The following CREM variants were observed in gnomAD, a reference collection of about 807,000 sequenced individuals.
CREM encodes cAMP responsive element modulator, also known as cAMP-responsive element modulator.
In CREM, 13 loss-of-function variants were observed where a neutral mutation model predicts 37.3. The ratio of observed to expected loss-of-function variants is 0.35; its 90% CI spans 0.23 to 0.55. CREM has a LOEUF of 0.55. Ranked by LOEUF, CREM falls within the 20% of genes least tolerant of loss-of-function variation. The probability of loss-of-function intolerance (pLI) is 0.88; values close to 1 mark genes in which losing one functional copy is unlikely to be tolerated. For synonymous variants in CREM, 124 were observed against 120.2 expected (o/e 1.03, Z -0.21); for missense variants, 296 against 362.3 (o/e 0.82, Z 1.49).
intron 6 of CREM, among the ~76,000 whole-genome samples, chr10:35,194,871 C>T (rs1171605169): frequency 1.3e-5 from 2 of 151,040 alleles, no homozygotes; most frequent in African/African-American, 4.9e-5. Flanking sequence ...CTGTAAGATA[C>T]AATCATGTAA....
At chr10:35,149,142 T>C (rs1473146228) in intron 3 of CREM, among the ~76,000 whole-genome samples, 1 of 152,196 alleles carries the variant, frequency 6.6e-6, no homozygotes, top group Non-Finnish European at 1.5e-5. Context: ...TAAGAAGTGC[T>C]GTAAGATACT....
chr10:35,190,836 G>A (rs2094881184), intron 6 of CREM, among the ~76,000 whole-genome samples: 1 of 151,820 alleles, frequency 6.6e-6, no homozygotes, highest in African/African-American at 2.4e-5. Context: ...TAATTTTTTT[G>A]TATTTTTAGT....
intron 6 of CREM, among the ~76,000 whole-genome samples, chr10:35,191,196 G>T (rs1228490132): frequency 6.6e-6 from 1 of 151,592 alleles, no homozygotes; most frequent in Non-Finnish European, 1.5e-5. Flanking sequence ...AGTACTTTAT[G>T]GGTTTTGTTG....
intron 6 of CREM, among the ~76,000 whole-genome samples, chr10:35,190,414 G>A (rs1047614263): frequency 2.0e-5 from 3 of 152,174 alleles, no homozygotes; most frequent in African/African-American, 7.2e-5. Flanking sequence ...GTATGGGGCA[G>A]CCTTAATTAG....
At chr10:35,195,143 G>A (rs2095097439) in intron 6 of CREM, 4 of 1,608,082 alleles carry the variant, frequency 2.5e-6, no homozygotes, top group African/African-American at 2.7e-5. Flanking sequence ...ACTTTATGTT[G>A]AACTGTGGTA....
intron 1 of CREM, among the ~76,000 whole-genome samples, chr10:35,130,219 A>T (rs917654494): frequency 2.0e-4 from 29 of 141,660 alleles, no homozygotes; most frequent in East Asian, 1.3e-3. Flanking sequence ...AAAAAAAAAA[A>T]TTTTTTTTGG....
Position 35,212,796 on chromosome 10 carries a change from A to AT in CREM, c.*1404dup, listed in dbSNP as rs2095680722. 6.6e-6 allele frequency: 1 copy of AT among 152,544 alleles called. No individual in the cohort carries two copies. Among genetic ancestry groups the AT allele is most frequent in the South Asian group, 2.1e-4 (1 of 4,808 alleles). 9.4% of individuals were successfully genotyped at this position (152,544 alleles called of 1,614,324 possible). On this transcript the variant is annotated 3_prime_UTR_variant, in exon 8 of 8. Transcript: ENST00000685392. ...ATTTTAAAAACAAAAACATCCCAAGATTTTTTCATTTCAAAATGCTTCAAA... is the reference window on the plus strand; with the variant it reads ...ATTTTAAAAACAAAAACATCCCAAGATTTTTTTCATTTCAAAATGCTTCAAA...
At chr10:35,193,280 G>T (rs1474500361) in intron 6 of CREM, among the ~76,000 whole-genome samples, 1 of 152,156 alleles carries the variant, frequency 6.6e-6, no homozygotes, top group Non-Finnish European at 1.5e-5. Flanking sequence ...TGTGCTGATT[G>T]ACTTGAGATT....
intron 7 of CREM, among the ~76,000 whole-genome samples, chr10:35,208,713 G>T (rs888567559): frequency 6.6e-6 from 1 of 152,158 alleles, no homozygotes; most frequent in Non-Finnish European, 1.5e-5. Context: ...CAAAAATTGG[G>T]GCTAGCTGAG....
At chr10:35,136,782 G>A (rs890737872) in intron 1 of CREM, among the ~76,000 whole-genome samples, 2 of 135,268 alleles carry the variant, frequency 1.5e-5, no homozygotes, top group Non-Finnish European at 3.1e-5. Context: ...AGAAATTAAG[G>A]ACTCTCAGTT....
chr10:35,127,378 A>C (rs1485944615), intron 1 of CREM, 185 bp downstream of exon 1: 1 of 151,776 alleles, frequency 6.6e-6, no homozygotes, highest in Non-Finnish European at 1.5e-5. Flanking sequence ...CCGCGAGTTC[A>C]CCTGACGCGG....
chr10:35,164,759 A>G (rs1256274587), intron 3 of CREM, among the ~76,000 whole-genome samples: 1 of 152,232 alleles, frequency 6.6e-6, no homozygotes, highest in African/African-American at 2.4e-5. Context: ...ATTGCTATAA[A>G]GGAATACCTG....
intron 6 of CREM, 139 bp from the exon 7 acceptor site, chr10:35,206,756 T>C (rs2095534783): frequency 1.2e-6 from 1 of 805,836 alleles, no homozygotes; most frequent in South Asian, 1.5e-5. Context: ...ATTGCTATAA[T>C]GCTCAGAATA....
intron 5 of CREM, among the ~76,000 whole-genome samples, chr10:35,181,023 T>G (rs1352481133): frequency 6.6e-6 from 1 of 152,232 alleles, no homozygotes; most frequent in Non-Finnish European, 1.5e-5. Context: ...ATCGTAACAT[T>G]TCTCTGGCAT....
rs1257986607 is a variant in CREM, at chr10:35,138,908, G to GT, written c.44+1033dup. On this transcript the variant is annotated intron_variant, in intron 2 of 7. Transcript: ENST00000685392. ...GATCCTGTCTCTTAGAAAAAAAATTGTTTTAATGGAGGGTCCTATTTTTTA... is the reference window on the plus strand; with the variant it reads ...GATCCTGTCTCTTAGAAAAAAAATTGTTTTTAATGGAGGGTCCTATTTTTTA... Among the ~76,000 whole-genome samples the GT allele has an allele frequency of 2.0e-5, 3 of 151,486 alleles. No homozygotes were observed. In the East Asian group the frequency reaches 5.8e-4, roughly 29 times the overall value.
chr10:35,191,828 T>G (rs531427072), intron 6 of CREM, among the ~76,000 whole-genome samples: 3 of 152,242 alleles, frequency 2.0e-5, no homozygotes, highest in African/African-American at 7.2e-5. Context: ...CCACGCTGGC[T>G]TCAGTTCACT....
intron 6 of CREM, among the ~76,000 whole-genome samples, chr10:35,190,443 C>T (rs2094861389): frequency 6.6e-6 from 1 of 152,166 alleles, no homozygotes; most frequent in African/African-American, 2.4e-5. Context: ...TTTGCTTTTG[C>T]ACCTGGATCT....
chr10:35,172,841 A>G (rs2093888425), intron 3 of CREM, among the ~76,000 whole-genome samples: 1 of 152,190 alleles, frequency 6.6e-6, no homozygotes, highest in African/African-American at 2.4e-5. Context: ...CTAATTTCCA[A>G]ATGATGGCTA....
chr10:35,145,169 A>AG (rs34569048), intron 2 of CREM, among the ~76,000 whole-genome samples: 27 of 113,798 alleles, frequency 2.4e-4, no homozygotes, highest in Non-Finnish European at 4.3e-4. Flanking sequence ...TCAAAAAAAA[A>AG]AAAAAAAAAA....
Sources: gnomAD v4.1 joint callset for allele counts (sites outside exome capture counted in the v4.1 genomes callset) on GRCh38, gnomAD v4.1.1 for gene constraint, MANE v1.5 for transcripts, NCBI Gene and HGNC (gene_info 2026-07-23, HGNC 2026-07-21) for gene names.